CPT2: variants seen among roughly 807,000 people sequenced by gnomAD.
CPT2 encodes the protein carnitine palmitoyltransferase 2, also known as carnitine O-palmitoyltransferase 2, mitochondrial.
CPT2 carries 37 observed loss-of-function variants against 48.6 expected under a neutral mutation model. That is an observed-to-expected ratio of 0.76 (90% CI 0.59 to 1.00). CPT2 has a LOEUF of 1.00. CPT2 is among the 50% of genes least tolerant of loss of function. CPT2 has a pLI of 0.00. For synonymous variants in CPT2, 319 were observed against 326.9 expected, an observed-to-expected ratio of 0.98 and a Z score of 0.26; for missense variants, 772 against 825.6, an observed-to-expected ratio of 0.94 and a Z score of 0.80.
intron 2 of CPT2, chr1:53,201,206 C>T (rs78117157): frequency 0.14 from 35,507 of 255,784 alleles, 3,133 homozygotes; most frequent in African/African-American, 0.26. Context: ...AAATTTATGC[C>T]CTTTTTCATG....
chr1:53,208,422 A>G (rs893515569), intron 3 of CPT2: 9 of 152,226 alleles, frequency 5.9e-5, no homozygotes, highest in Admixed American at 4.6e-4. Context: ...ATGTTTACTA[A>G]TCCCAGCAGG....
intron 2 of CPT2, chr1:53,201,100 A>C: frequency 2.3e-6 from 1 of 430,878 alleles, no homozygotes; most frequent in Non-Finnish European, 4.4e-6. Flanking sequence ...TATAGAGAGC[A>C]TGTACCCTTG....
chr1:53,202,967 G>T (rs1358439296), intron 3 of CPT2: 2 of 164,664 alleles, frequency 1.2e-5, no homozygotes, highest in African/African-American at 4.8e-5. Flanking sequence ...TTTCCATTCA[G>T]AGTTGGTTGC....
In CPT2 at chr1:53,213,673, A is replaced by C; in HGVS notation, c.*78A>C. 7.6e-7 allele frequency: 1 copy of C among 1,322,082 alleles called. No individual in the cohort carries two copies. The highest frequency in any genetic ancestry group is 1.1e-6 in the Non-Finnish European group (1 of 943,180). The allele number at this position is 1,322,082 out of a possible 1,614,324, so 81.9% of individuals were successfully genotyped here. On this transcript the variant is annotated 3_prime_UTR_variant, in exon 5 of 5. Coordinates refer to ENST00000371486, the MANE Select transcript of CPT2 (RefSeq NM_000098.3). ...GCCGGGCATGGTGGCTCATGCCTGT[A>C]ATCCCAGCATTTTGAGAGGCTGAGG...
At chr1:53,200,096 G>C (rs2100259079) in intron 1 of CPT2, 1 of 153,092 alleles carries the variant, frequency 6.5e-6, no homozygotes, top group South Asian at 2.1e-4. Flanking sequence ...GGAATCACTA[G>C]TAGACAGAAT....
At chr1:53,205,469 A>G (rs1357329287) in intron 3 of CPT2, among the ~76,000 whole-genome samples, 2 of 152,242 alleles carry the variant, frequency 1.3e-5, no homozygotes, top group African/African-American at 4.8e-5. Context: ...TTAAAAGGGA[A>G]GCAGAGCATA....
At chr1:53,203,784 T>G (rs548617454) in intron 3 of CPT2, 2 of 150,998 alleles carry the variant, frequency 1.3e-5, no homozygotes, top group South Asian at 4.2e-4. Context: ...TCTTTTTCTT[T>G]TTTTTTTTTT....
At position 53,210,796 on chromosome 1, in the gene CPT2, G is replaced by T; in HGVS notation, c.1122G>T (p.Trp374Cys). ...CTGCCGTCCACTTTGAGCACTCTTG[G>T]GGTGATGGTGTGGCAGTGCTCAGAT... ...GSTAVHFEHSWGDGVAVLRFF... is the reference protein window; with the variant it reads ...GSTAVHFEHSCGDGVAVLRFF... The change falls in exon 4 of 5, where the codon TGG becomes TGT. Residue 374 changes from tryptophan to cysteine, a missense_variant. By Grantham distance (215) the Trp-to-Cys change is radical. Coordinates refer to ENST00000371486, the MANE Select transcript of CPT2 (RefSeq NM_000098.3). 2.4e-5 allele frequency: 39 copies of T among 1,614,114 alleles called. No homozygotes were observed. Among genetic ancestry groups the T allele is most frequent in the Non-Finnish European group, 3.2e-5 (38 of 1,180,012 alleles).
At chr1:53,198,928 T>A (rs1472211396) in intron 1 of CPT2, among the ~76,000 whole-genome samples, 2 of 152,226 alleles carry the variant, frequency 1.3e-5, no homozygotes, top group Non-Finnish European at 2.9e-5. Flanking sequence ...GTATAATCTT[T>A]CACACTCACT....
chr1:53,207,484 CAG>C (rs1299969344), intron 3 of CPT2: 3 of 152,144 alleles, frequency 2.0e-5, no homozygotes, highest in African/African-American at 4.8e-5. Context: ...TTTTTTGAGA[CAG>C]AGTCTCATTT....
In CPT2 at chr1:53,210,886, T is replaced by C; in HGVS notation, c.1212T>C (p.Ala404=). Residue 404 remains alanine (A), a synonymous_variant, in exon 4 of 5, where the codon GCT becomes GCC. Transcript: ENST00000371486. ...CCGTCACTCCACAGAGCCAGCCAGC[T>C]ACCACTGACTCTACTGTCACGGTGC... is the stretch of plus-strand genomic sequence containing the variant. ...TPAVTPQSQP[A]TTDSTVTVQK... is the part of the protein sequence containing the mutation. The C allele has an allele frequency of 6.2e-7, 1 of 1,614,210 alleles. No homozygotes were observed. The highest frequency in any genetic ancestry group is 1.1e-5 in the South Asian group (1 of 91,084).
chr1:53,210,727 G>A lies in CPT2; in HGVS notation c.1053G>A (p.Trp351Ter), dbSNP rs761438840. 1 of 1,614,214 alleles carries A rather than the reference G, an allele frequency of 6.2e-7. No individual in the cohort carries two copies. The highest frequency in any genetic ancestry group is 2.2e-5 in the East Asian group (1 of 44,882). The change falls in exon 4 of 5, where the codon TGG becomes TGA. Residue 351 changes from tryptophan to a stop codon, truncating the protein, a stop_gained. Transcript: ENST00000371486. LOFTEE classifies it high-confidence loss of function. Reference protein sequence around the residue: ...NMLHGDGTNRWFDKSFNLIIA... With the variant: ...NMLHGDGTNR ...TGCATGGGGATGGCACAAACCGCTG[G>A]TTTGATAAATCCTTTAACCTCATTA...
chr1:53,211,341 T>A, intron 4 of CPT2, 22 bp downstream of exon 4: 1 of 1,571,700 alleles, frequency 6.4e-7, no homozygotes. Context: ...GTGGGGAGCA[T>A]GCCCTTGGGT....
intron 1 of CPT2, among the ~76,000 whole-genome samples, chr1:53,198,805 C>T (rs868037519): frequency 6.6e-6 from 1 of 152,222 alleles, no homozygotes; most frequent in South Asian, 2.1e-4. Flanking sequence ...TAGTCACCTA[C>T]GCATAACCTT....
chr1:53,202,541 T>C (rs1645360372), intron 3 of CPT2, 112 bp downstream of exon 3: 2 of 826,294 alleles, frequency 2.4e-6, no homozygotes. Flanking sequence ...GACCAGCAAA[T>C]GAAGTAACGT....
chr1:53,202,250 G>A, intron 2 of CPT2, 73 bp from the exon 3 acceptor site: 1 of 1,232,986 alleles, frequency 8.1e-7, no homozygotes, highest in Non-Finnish European at 1.2e-6. Context: ...TCTATTATGA[G>A]TTCCTCGCCA....
At position 53,206,567 on chromosome 1, in the gene CPT2, G is replaced by T. The variant is rs865828040; in HGVS notation, c.341-3448G>T. 6.3e-4 allele frequency among the ~76,000 whole-genome samples: 96 copies of T among 152,344 alleles called. 1 individual carries two copies. Among genetic ancestry groups the T allele is most frequent in the Middle Eastern group, 6.8e-3 (2 of 294 alleles). On this transcript the variant is annotated intron_variant, in intron 3 of 4. Coordinates refer to ENST00000371486, the MANE Select transcript of CPT2 (RefSeq NM_000098.3). ...CCACTTCTTACATCAGCATGCCCTG[G>T]ATGTGAGACATGGAGTCAAAGATTA...
intron 4 of CPT2, among the ~76,000 whole-genome samples, chr1:53,212,555 A>G (rs77259391): frequency 0.019 from 2,870 of 152,286 alleles, 43 homozygotes; most frequent in Non-Finnish European, 0.031. Context: ...GGATTTCTAA[A>G]CTTACGGCCC....
intron 1 of CPT2, among the ~76,000 whole-genome samples, chr1:53,198,231 T>C (rs1042653203): frequency 6.6e-6 from 1 of 152,152 alleles, no homozygotes. Flanking sequence ...CAAACTGCCC[T>C]CAGGGATTCC....
Sources: gnomAD v4.1 joint callset for allele counts (sites outside exome capture counted in the v4.1 genomes callset) on GRCh38, gnomAD v4.1.1 for gene constraint, MANE v1.5 for transcripts, NCBI Gene and HGNC (gene_info 2026-07-23, HGNC 2026-07-21) for gene names.